UTS2B: variants seen among roughly 807,000 people sequenced by gnomAD.
The protein encoded by UTS2B is urotensin 2B, also known as urotensin-2B.
In UTS2B, 21 loss-of-function variants were observed where a neutral mutation model predicts 19.2. The ratio of observed to expected loss-of-function variants is 1.09; its 90% CI spans 0.78 to 1.58. The LOEUF (loss-of-function observed/expected upper bound fraction) is 1.58, where lower values mean the gene tolerates loss of function less well. UTS2B is among the 40% of genes most tolerant of loss of function. The pLI is 0.00. For synonymous variants in UTS2B, 57 were observed against 50.2 expected, an observed-to-expected ratio of 1.14 and a Z score of -0.58; for missense variants, 138 against 130.3, an observed-to-expected ratio of 1.06 and a Z score of -0.29.
At chr3:191,302,888 A>G (rs1259473239) in intron 4 of UTS2B, among the ~76,000 whole-genome samples, 1 of 152,226 alleles carries the variant, frequency 6.6e-6, no homozygotes, top group African/African-American at 2.4e-5. Flanking sequence ...CAAAGCAGGC[A>G]TGAAGAGGCT....
At chr3:191,307,169 G>A (rs1306290391) in intron 3 of UTS2B, among the ~76,000 whole-genome samples, 1 of 152,162 alleles carries the variant, frequency 6.6e-6, no homozygotes, top group Admixed American at 6.5e-5. Context: ...GTTACTTTAT[G>A]TATGCAGAGC....
chr3:191,334,829 G>C (rs1213948762), upstream of UTS2B, among the ~76,000 whole-genome samples: 1 of 152,066 alleles, frequency 6.6e-6, no homozygotes, highest in African/African-American at 2.4e-5. Flanking sequence ...CTTTTTCTGA[G>C]GATAGTTATT....
At chr3:191,321,321 G>A (rs889859795) in intron 2 of UTS2B, among the ~76,000 whole-genome samples, 2 of 152,146 alleles carry the variant, frequency 1.3e-5, no homozygotes, top group African/African-American at 4.8e-5. Context: ...TCTAAAGGAA[G>A]TTTTAGTAAG....
intron 4 of UTS2B, among the ~76,000 whole-genome samples, chr3:191,283,425 A>G (rs371640586): frequency 5.9e-5 from 9 of 152,102 alleles, no homozygotes; most frequent in African/African-American, 1.9e-4. Flanking sequence ...TCTTTTTTCT[A>G]CTTTGAGTCA....
chr3:191,284,381 G>A (rs936289267), intron 4 of UTS2B, among the ~76,000 whole-genome samples: 1 of 151,728 alleles, frequency 6.6e-6, no homozygotes, highest in African/African-American at 2.4e-5. Context: ...GAGTACAGTG[G>A]CGTAATCATG....
chr3:191,282,941 T>C (rs753707721), intron 4 of UTS2B, among the ~76,000 whole-genome samples: 15 of 152,216 alleles, frequency 9.9e-5, no homozygotes, highest in Non-Finnish European at 2.1e-4. Context: ...GTGCTGGTTT[T>C]CTTTTTAAGT....
intron 2 of UTS2B, among the ~76,000 whole-genome samples, chr3:191,326,733 A>G (rs111921143): frequency 1.3e-3 from 195 of 152,360 alleles, no homozygotes; most frequent in African/African-American, 4.4e-3. Context: ...TTCATTCCCT[A>G]TAAATACTCA....
In UTS2B at chr3:191,268,417, T is replaced by A. The variant is rs1190520847; in HGVS notation, c.359A>T (p.Ter120LeuextTer10). 1.3e-6 allele frequency: 2 copies of A among 1,562,074 alleles called. No individual in the cohort carries two copies. Among genetic ancestry groups the A allele is most frequent in the African/African-American group, 2.7e-5 (2 of 73,780 alleles). The stretch of plus-strand genomic sequence containing the variant: ...TTTTTTGCATCCAGAGAAAAAGCTT[T>A]AAACACAGTATTTCCAAAAGCAAGC... The part of the protein sequence containing the change: ...KRACFWKYCV[*>L] Residue 120 changes from the stop codon to leucine (L), a stop_lost, in exon 9 of 9, where the codon TAA becomes TTA. Transcript: ENST00000340524.
At chr3:191,338,468 G>A in the UTS2B span, among the ~76,000 whole-genome samples, 1 of 152,156 alleles carries the variant, frequency 6.6e-6, no homozygotes, top group Admixed American at 6.5e-5. Flanking sequence ...TGGGCCGGTA[G>A]CTCTTTTGGA....
At chr3:191,337,493 C>T in the UTS2B span, among the ~76,000 whole-genome samples, 4 of 151,778 alleles carry the variant, frequency 2.6e-5, no homozygotes, top group East Asian at 1.9e-4. Flanking sequence ...TACAGTTGCC[C>T]GCCACTATGC....
the UTS2B span, among the ~76,000 whole-genome samples, chr3:191,338,025 C>T: frequency 8.3e-4 from 126 of 152,132 alleles, no homozygotes; most frequent in Middle Eastern, 3.4e-3. Flanking sequence ...AGGGGAGTCT[C>T]CCCTGGACTT....
chr3:191,331,814 A>C (rs187820974), upstream of UTS2B, among the ~76,000 whole-genome samples: 831 of 152,318 alleles, frequency 5.5e-3, 3 homozygotes, highest in Non-Finnish European at 9.2e-3. Flanking sequence ...AATTAAAGAG[A>C]ATGAAGCTTG....
the UTS2B span, among the ~76,000 whole-genome samples, chr3:191,335,741 GTTTA>G: frequency 4.6e-5 from 7 of 152,240 alleles, no homozygotes; most frequent in South Asian, 2.1e-4. Context: ...TACCGGTCTT[GTTTA>G]TTTATCAGTG....
intron 2 of UTS2B, among the ~76,000 whole-genome samples, chr3:191,325,665 C>CT (rs1454723729): frequency 6.6e-6 from 1 of 152,170 alleles, no homozygotes; most frequent in Non-Finnish European, 1.5e-5. Context: ...GATTATTGTC[C>CT]TAATAGTCTC....
At chr3:191,312,371 G>T (rs1488730021) in intron 3 of UTS2B, among the ~76,000 whole-genome samples, 1 of 152,100 alleles carries the variant, frequency 6.6e-6, no homozygotes, top group Admixed American at 6.6e-5. Flanking sequence ...TTTGAGTGAG[G>T]TTATTACATG....
intron 4 of UTS2B, among the ~76,000 whole-genome samples, chr3:191,295,005 T>G (rs1472998476): frequency 1.3e-5 from 2 of 150,588 alleles, no homozygotes; most frequent in African/African-American, 4.9e-5. Context: ...CACTCCAGCC[T>G]GGGTGACAGA....
At chr3:191,335,508 C>T (rs1711504551), upstream of UTS2B, among the ~76,000 whole-genome samples, 1 of 152,014 alleles carries the variant, frequency 6.6e-6, no homozygotes, top group African/African-American at 2.4e-5. Flanking sequence ...CTAGAATGTT[C>T]CAGGTGTTTG....
intron 6 of UTS2B, 30 bp from the exon 7 acceptor site, chr3:191,276,874 C>A (rs369474793): frequency 4.4e-6 from 7 of 1,602,238 alleles, no homozygotes; most frequent in Non-Finnish European, 6.0e-6. Flanking sequence ...CATGAAAAAA[C>A]GTACATTGCA....
At chr3:191,317,049 G>A (rs1409384591) in intron 2 of UTS2B, among the ~76,000 whole-genome samples, 3 of 152,256 alleles carry the variant, frequency 2.0e-5, no homozygotes, top group East Asian at 1.9e-4. Context: ...GGGACGTGGC[G>A]CCTTGGAGCA....
Sources: gnomAD v4.1 joint callset for allele counts (sites outside exome capture counted in the v4.1 genomes callset) on GRCh38, gnomAD v4.1.1 for gene constraint, MANE v1.5 for transcripts, NCBI Gene and HGNC (gene_info 2026-07-23, HGNC 2026-07-21) for gene names.